Variants in USP48 observed in about 807,000 individuals in gnomAD.
USP48 encodes the protein ubiquitin carboxyl-terminal hydrolase 48.
A neutral mutation model predicts 150.7 loss-of-function variants in USP48; 43 were observed. That is an observed-to-expected ratio of 0.29 (90% CI 0.22 to 0.37). USP48 has a LOEUF of 0.37. Ranked by LOEUF, USP48 falls within the 10% of genes least tolerant of loss-of-function variation. USP48 has a pLI of 1.00. For missense variants in USP48, 813 were observed against 1,249.6 expected, an observed-to-expected ratio of 0.65 and a Z score of 5.27; for synonymous variants, 396 against 425.9, an observed-to-expected ratio of 0.93 and a Z score of 0.86.
At chr1:21,713,324 G>C (rs950159195) in intron 15 of USP48, among the ~76,000 whole-genome samples, 37 of 152,208 alleles carry the variant, frequency 2.4e-4, no homozygotes, top group African/African-American at 5.3e-4. Context: ...GCCAAGGCTA[G>C]TCTCAAACTC....
intron 8 of USP48, among the ~76,000 whole-genome samples, chr1:21,746,446 T>C (rs1395793962): frequency 1.3e-5 from 2 of 150,878 alleles, no homozygotes; most frequent in Non-Finnish European, 3.0e-5. Context: ...CAAGACTCCG[T>C]CTCAAAAATA....
chr1:21,721,213 C>T (rs1449275320), intron 13 of USP48, 47 bp from the exon 14 acceptor site: 1 of 1,603,490 alleles, frequency 6.2e-7, no homozygotes, highest in Non-Finnish European at 8.5e-7. Flanking sequence ...TATTTCCAAA[C>T]ACTGTCCTCC....
At chr1:21,704,485 A>G (rs2097666387) in intron 19 of USP48, 93 bp from the exon 20 acceptor site, 1 of 1,331,036 alleles carries the variant, frequency 7.5e-7, no homozygotes, top group Non-Finnish European at 1.0e-6. Context: ...AACCATTAAC[A>G]CTAACATTTA....
At chr1:21,733,641 T>C (rs987155217) in intron 9 of USP48, among the ~76,000 whole-genome samples, 10 of 152,194 alleles carry the variant, frequency 6.6e-5, no homozygotes, top group African/African-American at 2.2e-4. Context: ...TGTTAAGTAT[T>C]TTCTTGAACT....
chr1:21,683,078 T>C (rs1010833124), intron 25 of USP48, among the ~76,000 whole-genome samples: 1 of 151,960 alleles, frequency 6.6e-6, no homozygotes, highest in South Asian at 2.1e-4. Context: ...CTGGCGAATA[T>C]AGTGAAACCC....
chr1:21,701,540 T>C lies in USP48; in HGVS notation c.2685A>G (p.Glu895=), dbSNP rs1432680712. Reference sequence around the variant, plus strand: ...CTTTTTCTCCATCTGGTTTAGCTTCTTCCTTGTCCTCCTCTGTTTCAGAAC... The same window carrying C: ...CTTTTTCTCCATCTGGTTTAGCTTCCTCCTTGTCCTCCTCTGTTTCAGAAC... ...VSSSETEEDK[E]EAKPDGEKDP... The change falls in exon 22 of 27, where the codon GAA becomes GAG. Residue 895 remains glutamate (E), a synonymous_variant. Coordinates refer to ENST00000308271, the MANE Select transcript of USP48 (RefSeq NM_032236.8). 2 of 1,614,064 alleles carry C rather than the reference T, an allele frequency of 1.2e-6. No individual in the cohort carries two copies. The highest frequency in any genetic ancestry group is 2.2e-5 in the South Asian group (2 of 91,078).
In USP48 at chr1:21,783,078, G is replaced by A; in HGVS notation, c.-121C>T. The A allele has an allele frequency of 4.4e-6, 6 of 1,352,320 alleles. No homozygotes were observed. The highest frequency in any genetic ancestry group is 1.6e-5 in the South Asian group (1 of 61,238). 83.8% of individuals were successfully genotyped at this position (1,352,320 alleles called of 1,614,324 possible). A position where few individuals can be genotyped will look rare whatever the true frequency, so the allele number is the denominator to read the frequency against. On this transcript the variant is annotated 5_prime_UTR_variant, in exon 1 of 27. Coordinates refer to ENST00000308271, the MANE Select transcript of USP48 (RefSeq NM_032236.8). ...GGAGGACCTGGCGCTCCTTCAGGCA[G>A]CTGGCCAGTCAATCACCTGTGCGCG...
intron 1 of USP48, among the ~76,000 whole-genome samples, chr1:21,773,248 C>T (rs1285102511): frequency 3.2e-5 from 4 of 124,320 alleles, no homozygotes; most frequent in Non-Finnish European, 6.4e-5. Context: ...GACTGAGACT[C>T]GGTCTCAAAA....
intron 14 of USP48, among the ~76,000 whole-genome samples, chr1:21,715,958 G>A (rs555868732): frequency 6.4e-4 from 97 of 152,224 alleles, no homozygotes; most frequent in Admixed American, 6.1e-3. Context: ...ACCTACCACC[G>A]AACTCAATAA....
chr1:21,738,458 G>T (rs2097773672), intron 8 of USP48, among the ~76,000 whole-genome samples: 1 of 150,940 alleles, frequency 6.6e-6, no homozygotes, highest in Non-Finnish European at 1.5e-5. Context: ...CTGGGGTCAT[G>T]CGATTCTCTT....
chr1:21,680,907 CTT>C, intron 25 of USP48, 73 bp from the exon 26 acceptor site: 1 of 1,204,708 alleles, frequency 8.3e-7, no homozygotes, highest in Non-Finnish European at 1.2e-6. Flanking sequence ...CATTTCAATG[CTT>C]AAAGACAAAA....
chr1:21,761,882 AC>A (rs1353159794), intron 1 of USP48, among the ~76,000 whole-genome samples: 1 of 152,218 alleles, frequency 6.6e-6, no homozygotes, highest in Admixed American at 6.5e-5. Flanking sequence ...ATAAAGTAGA[AC>A]CCATCCACTG....
chr1:21,684,719 T>C (rs1344266808), intron 25 of USP48, among the ~76,000 whole-genome samples: 1 of 152,222 alleles, frequency 6.6e-6, no homozygotes, highest in Non-Finnish European at 1.5e-5. Flanking sequence ...TTGATTTTAA[T>C]ATATAGTGAG....
Position 21,748,134 on chromosome 1 carries a change from T to C in USP48, c.908+4A>G. On this transcript the variant is annotated splice_donor_region_variant and intron_variant, in intron 7 of 26. Coordinates refer to ENST00000308271, the MANE Select transcript of USP48 (RefSeq NM_032236.8). Reference sequence around the variant, plus strand: ...AACAAACACTAATATTTGCACACATTTACCTGTCAAAGACAAAACGCATTA... The same window carrying C: ...AACAAACACTAATATTTGCACACATCTACCTGTCAAAGACAAAACGCATTA... 1 of 1,612,574 alleles carries C rather than the reference T, an allele frequency of 6.2e-7. No individual in the cohort carries two copies. The highest frequency in any genetic ancestry group is 1.7e-4 in the Middle Eastern group (1 of 6,044).
intron 1 of USP48, among the ~76,000 whole-genome samples, chr1:21,758,914 G>A (rs2097843434): frequency 6.6e-6 from 1 of 152,160 alleles, no homozygotes; most frequent in African/African-American, 2.4e-5. Context: ...GTTCACGCCT[G>A]TAATCCTAGC....
At chr1:21,692,102 C>G (rs865878386) in intron 23 of USP48, among the ~76,000 whole-genome samples, 1 of 152,130 alleles carries the variant, frequency 6.6e-6, no homozygotes, top group Non-Finnish European at 1.5e-5. Flanking sequence ...CAAATAAGAA[C>G]AAGGATAACA....
intron 12 of USP48, among the ~76,000 whole-genome samples, chr1:21,723,250 G>C (rs533903949): frequency 1.3e-5 from 2 of 152,084 alleles, no homozygotes; most frequent in Non-Finnish European, 2.9e-5. Context: ...CGGGTGTGGT[G>C]GCTCTTGCCT....
chr1:21,704,582 A>C, intron 19 of USP48, 190 bp from the exon 20 acceptor site: 1 of 524,420 alleles, frequency 1.9e-6, no homozygotes, highest in Non-Finnish European at 3.2e-6. Flanking sequence ...CAGCGAAACT[A>C]AATGGACTGA....
At chr1:21,683,713 C>T (rs1324655561) in intron 25 of USP48, among the ~76,000 whole-genome samples, 1 of 152,166 alleles carries the variant, frequency 6.6e-6, no homozygotes, top group African/African-American at 2.4e-5. Flanking sequence ...CAACATATCA[C>T]CCTACTGTAC....
Sources: allele counts gnomAD v4.1 joint callset (sites outside exome capture counted in the v4.1 genomes callset), GRCh38; gene constraint gnomAD v4.1.1; transcripts MANE v1.5; gene names NCBI Gene and HGNC (gene_info 2026-07-23, HGNC 2026-07-21).